Variants in GARIN1B observed in about 807,000 individuals in gnomAD.
GARIN1B encodes golgi associated RAB2 interactor 1B.
At chr7:128,714,468 C>T in the GARIN1B span, among the ~76,000 whole-genome samples, 1 of 151,976 alleles carries the variant, frequency 6.6e-6, no homozygotes, top group Non-Finnish European at 1.5e-5. Context: ...ATCCCAGCTA[C>T]TCGGGAGGCT....
the GARIN1B span, among the ~76,000 whole-genome samples, chr7:128,719,297 C>A: frequency 7.3e-5 from 11 of 151,698 alleles, no homozygotes; most frequent in East Asian, 2.1e-3. Flanking sequence ...ATAAACAATT[C>A]TATATAAATT....
At chr7:128,720,992 C>CA in the GARIN1B span, among the ~76,000 whole-genome samples, 202 of 146,782 alleles carry the variant, frequency 1.4e-3, 1 homozygote, top group Admixed American at 7.4e-3. Flanking sequence ...TTAATTTCCA[C>CA]AAAAAAAAAA....
chr7:128,725,174 A>G, the GARIN1B span: 2 of 174,160 alleles, frequency 1.1e-5, no homozygotes, highest in Non-Finnish European at 2.5e-5. Context: ...GTTGCCCAGT[A>G]TAAAGAATAT....
the GARIN1B span, chr7:128,731,232 A>G: frequency 1.0e-6 from 1 of 984,540 alleles, no homozygotes; most frequent in Non-Finnish European, 1.6e-6. Context: ...AAGGAAGAAT[A>G]GAGTCATCTC....
At chr7:128,723,789 G>A in the GARIN1B span, among the ~76,000 whole-genome samples, 1 of 151,920 alleles carries the variant, frequency 6.6e-6, no homozygotes. Flanking sequence ...TGGGATTACA[G>A]GCATGAGCCA....
chr7:128,713,076 G>C, the GARIN1B span, among the ~76,000 whole-genome samples: 1 of 152,080 alleles, frequency 6.6e-6, no homozygotes, highest in African/African-American at 2.4e-5. Context: ...AGGTCAAGGC[G>C]GTTGGATTAC....
the GARIN1B span, among the ~76,000 whole-genome samples, chr7:128,725,623 C>T: frequency 6.6e-6 from 1 of 152,212 alleles, no homozygotes; most frequent in African/African-American, 2.4e-5. Flanking sequence ...CCATTCACCT[C>T]AGCCTCCCAA....
the GARIN1B span, among the ~76,000 whole-genome samples, chr7:128,721,359 T>A: frequency 6.6e-6 from 1 of 152,246 alleles, no homozygotes; most frequent in Non-Finnish European, 1.5e-5. Flanking sequence ...TTGTTGTTGA[T>A]GCTGTTGTGA....
chr7:128,715,445 T>A, the GARIN1B span: 1 of 1,613,906 alleles, frequency 6.2e-7, no homozygotes, highest in East Asian at 2.2e-5. Context: ...TGTAGAAATG[T>A]TGTCATCATT....
the GARIN1B span, chr7:128,715,225 T>C: frequency 2.5e-3 from 2,475 of 985,154 alleles, 3 homozygotes; most frequent in Admixed American, 3.6e-3. Flanking sequence ...GGCTGGGGAA[T>C]GTCCAGGCAC....
At chr7:128,725,693 C>T in the GARIN1B span, among the ~76,000 whole-genome samples, 2 of 152,154 alleles carry the variant, frequency 1.3e-5, no homozygotes, top group Non-Finnish European at 2.9e-5. Flanking sequence ...TTTTAAATTA[C>T]TATTTAAAGA....
the GARIN1B span, among the ~76,000 whole-genome samples, chr7:128,726,472 A>G: frequency 3.9e-5 from 6 of 152,210 alleles, no homozygotes; most frequent in African/African-American, 1.4e-4. Flanking sequence ...GTCTGGTTGC[A>G]ATTATTATCA....
chr7:128,727,236 C>T, the GARIN1B span, among the ~76,000 whole-genome samples: 2 of 152,194 alleles, frequency 1.3e-5, no homozygotes, highest in South Asian at 2.1e-4. Context: ...TCTAGGGCCA[C>T]CATGTAGAAA....
the GARIN1B span, among the ~76,000 whole-genome samples, chr7:128,710,612 G>T: frequency 6.6e-6 from 1 of 152,144 alleles, no homozygotes; most frequent in African/African-American, 2.4e-5. Context: ...TGTCATGCCA[G>T]CTCTACTTCT....
At chr7:128,720,741 G>A in the GARIN1B span, among the ~76,000 whole-genome samples, 6 of 152,190 alleles carry the variant, frequency 3.9e-5, no homozygotes, top group South Asian at 2.1e-4. Context: ...ACATTGAATT[G>A]TCTTAGCACC....
At chr7:128,726,942 A>G in the GARIN1B span, 1 of 1,404,744 alleles carries the variant, frequency 7.1e-7, no homozygotes, top group South Asian at 1.2e-5. Flanking sequence ...GATCCCCTCC[A>G]GCCCCCATCC....
At chr7:128,719,539 T>G in the GARIN1B span, among the ~76,000 whole-genome samples, 2 of 152,026 alleles carry the variant, frequency 1.3e-5, no homozygotes, top group African/African-American at 4.8e-5. Context: ...CACATTCATC[T>G]TAGGCATTTC....
At chr7:128,727,746 A>T in the GARIN1B span, among the ~76,000 whole-genome samples, 17 of 148,178 alleles carry the variant, frequency 1.1e-4, no homozygotes, top group East Asian at 3.0e-3. Flanking sequence ...TCCCCCATCC[A>T]CTCCCTTCCC....
At chr7:128,724,754 AT>A in the GARIN1B span, 4 of 1,289,668 alleles carry the variant, frequency 3.1e-6, no homozygotes, top group Admixed American at 9.2e-5. Context: ...AGAGAGGAGA[AT>A]TTTGTCACAA....
Sources: gnomAD v4.1 joint callset for allele counts (sites outside exome capture counted in the v4.1 genomes callset) on GRCh38, gnomAD v4.1.1 for gene constraint, MANE v1.5 for transcripts, NCBI Gene and HGNC (gene_info 2026-07-23, HGNC 2026-07-21) for gene names.